EYS: variants seen among roughly 807,000 people sequenced by gnomAD.
EYS encodes EGF-like photoreceptor maintenance factor, also known as protein eyes shut homolog.
In EYS, 250 loss-of-function variants were observed where a neutral mutation model predicts 282.1. The observed-to-expected ratio is 0.89, with a 90% CI of 0.80 to 0.98. The LOEUF is 0.98. EYS is among the 50% of genes least tolerant of loss of function. The probability of loss-of-function intolerance (pLI) is 0.00; values close to 1 mark genes in which losing one functional copy is unlikely to be tolerated. For synonymous variants in EYS, 1,355 were observed against 1,282.9 expected (o/e 1.06, Z -1.20); for missense variants, 4,016 against 3,709.0 (o/e 1.08, Z -2.15).
chr6:65,426,653 AG>A (rs1767676194), intron 5 of EYS, among the ~76,000 whole-genome samples: 1 of 152,144 alleles, frequency 6.6e-6, no homozygotes, highest in Non-Finnish European at 1.5e-5. Context: ...CTAATTAGGA[AG>A]AACAGAGATA....
At chr6:65,240,459 CCT>C (rs1348950176) in intron 12 of EYS, among the ~76,000 whole-genome samples, 1 of 152,020 alleles carries the variant, frequency 6.6e-6, no homozygotes, top group African/African-American at 2.4e-5. Context: ...CTAGTAGCTC[CCT>C]GTCTCTATTG....
At chr6:65,587,173 C>T (rs532574759) in intron 2 of EYS, among the ~76,000 whole-genome samples, 3 of 152,122 alleles carry the variant, frequency 2.0e-5, no homozygotes, top group Admixed American at 6.6e-5. Flanking sequence ...ATCCTTGCTG[C>T]CATGTATAAC....
intron 12 of EYS, among the ~76,000 whole-genome samples, chr6:65,139,981 C>G (rs1298969417): frequency 6.6e-6 from 1 of 151,942 alleles, no homozygotes; most frequent in Non-Finnish European, 1.5e-5. Flanking sequence ...AATACTATAT[C>G]TAAAATGTCC....
At chr6:65,651,794 G>A (rs140814596) in intron 1 of EYS, among the ~76,000 whole-genome samples, 83 of 152,032 alleles carry the variant, frequency 5.5e-4, no homozygotes, top group African/African-American at 1.8e-3. Flanking sequence ...TTCTGCTGTA[G>A]TTGTGTAACC....
chr6:65,332,493 C>T (rs1000022317), intron 11 of EYS: 2 of 1,169,560 alleles, frequency 1.7e-6, no homozygotes, highest in East Asian at 2.6e-5. Context: ...ATTATATTTC[C>T]ATTTATTCAG....
In EYS at chr6:64,868,177, G is replaced by A. The variant is rs1421966368; in HGVS notation, c.2992+18520C>T. On this transcript the variant is annotated intron_variant, in intron 19 of 42. Transcript: ENST00000503581. ...AATCACTTCAAGTCTTCTGATGTTA[G>A]TATTTGTTTGTTTATTTTTAAATAC... Among the ~76,000 whole-genome samples, 3 of 151,242 alleles carry A rather than the reference G, an allele frequency of 2.0e-5. No individual in the cohort carries two copies. The East Asian group carries it at 5.8e-4, about 29-fold the overall frequency.
Position 64,643,050 on chromosome 6 carries a change from G to C in EYS, c.3444-16805C>G, listed in dbSNP as rs553471359. Among the ~76,000 whole-genome samples, 20 of 150,518 alleles carry C rather than the reference G, an allele frequency of 1.3e-4. 1 individual carries two copies. The Admixed American group carries it at 1.3e-3, about 10-fold the overall frequency. ...GAATCACTTGAACCTGGGAGGCAGA[G>C]ATTGTGGTGAGCCGAGATCATGCCA... On this transcript the variant is annotated intron_variant, in intron 22 of 42. Transcript: ENST00000503581.
At chr6:64,711,771 G>T (rs1307285584) in intron 22 of EYS, among the ~76,000 whole-genome samples, 1 of 152,096 alleles carries the variant, frequency 6.6e-6, no homozygotes, top group Non-Finnish European at 1.5e-5. Context: ...TTTCAGACTT[G>T]CGCCCCTCCG....
intron 26 of EYS, among the ~76,000 whole-genome samples, chr6:64,522,399 C>CTGAGACTT (rs1193064830): frequency 6.6e-6 from 1 of 151,638 alleles, no homozygotes; most frequent in East Asian, 1.9e-4. Context: ...AGAACATAAA[C>CTGAGACTT]TGAGACTTAA....
chr6:64,495,334 A>G (rs149876232), intron 26 of EYS, among the ~76,000 whole-genome samples: 8 of 151,952 alleles, frequency 5.3e-5, no homozygotes, highest in Non-Finnish European at 1.2e-4. Flanking sequence ...CACATATCCT[A>G]AAGTCATATC....
rs549802920 is a variant in EYS, at chr6:64,023,098, A to G, written c.6726-23915T>C. 2.2e-4 allele frequency among the ~76,000 whole-genome samples: 33 copies of G among 152,344 alleles called. 2 individuals carry two copies. The South Asian group carries it at 6.8e-3, about 32-fold the overall frequency. On this transcript the variant is annotated intron_variant, in intron 33 of 42. Transcript: ENST00000503581. Reference sequence around the variant, plus strand: ...CATATAGTATATTTCACATAAGTGGAATCATATAATACTTGTCTTTTTGTG... The same window carrying G: ...CATATAGTATATTTCACATAAGTGGGATCATATAATACTTGTCTTTTTGTG...
intron 36 of EYS, among the ~76,000 whole-genome samples, chr6:63,854,556 C>T (rs1375274614): frequency 6.6e-6 from 1 of 152,110 alleles, no homozygotes; most frequent in African/African-American, 2.4e-5. Flanking sequence ...ACCACCATGG[C>T]ACATGTATAC....
chr6:64,752,467 A>G (rs1772789255), intron 22 of EYS, among the ~76,000 whole-genome samples: 1 of 152,148 alleles, frequency 6.6e-6, no homozygotes, highest in South Asian at 2.1e-4. Flanking sequence ...ATAAAGAAGA[A>G]TATTAAAATA....
intron 19 of EYS, among the ~76,000 whole-genome samples, chr6:64,868,335 A>C (rs1292847927): frequency 6.6e-6 from 1 of 151,410 alleles, no homozygotes. Context: ...ATTTTTTCTA[A>C]CTTATTAAAA....
At chr6:64,985,656 G>T (rs999116201) in intron 14 of EYS, among the ~76,000 whole-genome samples, 3 of 151,386 alleles carry the variant, frequency 2.0e-5, no homozygotes, top group Admixed American at 2.0e-4. Flanking sequence ...ATTTAATTAG[G>T]GTTGTTAGAC....
chr6:65,583,565 G>GA lies in EYS; in HGVS notation c.-333+56212dup, dbSNP rs1764940329. ...ACTCCATCTGGTCACTGACAGGAGG[G>GA]AAAAAAAGTTTGAGTTTCCATTTTC... On this transcript the variant is annotated intron_variant, in intron 2 of 42. Coordinates refer to ENST00000503581, the MANE Select transcript of EYS (RefSeq NM_001142800.2). Among the ~76,000 whole-genome samples, 3 of 151,776 alleles carry GA rather than the reference G, an allele frequency of 2.0e-5. No homozygotes were observed. The South Asian group carries it at 6.2e-4, about 31-fold the overall frequency.
At position 63,720,653 on chromosome 6, in the gene EYS, T is replaced by A. The variant is rs2149623454; in HGVS notation, c.9378A>T (p.Leu3126=). ...AAACATTGTATCCTTCTAATTTAATTAGTTCAATGTTTTTTGGTTCCTGAA... is the reference window on the plus strand; with the variant it reads ...AAACATTGTATCCTTCTAATTTAATAAGTTCAATGTTTTTTGGTTCCTGAA... The part of the protein sequence containing the change: ...VFFQEPKNIE[L]IKLEGYNVYD... The change falls in exon 43 of 43, where the codon CTA becomes CTT. Residue 3126 remains leucine, a synonymous_variant. Coordinates refer to ENST00000503581, the MANE Select transcript of EYS (RefSeq NM_001142800.2). 2 of 1,532,416 alleles carry A rather than the reference T, an allele frequency of 1.3e-6. No individual in the cohort carries two copies. Among genetic ancestry groups the A allele is most frequent in the Non-Finnish European group, 1.8e-6 (2 of 1,137,734 alleles). 94.9% of individuals were successfully genotyped at this position (1,532,416 alleles called of 1,614,324 possible). A position where few individuals can be genotyped will look rare whatever the true frequency, so the allele number is the denominator to read the frequency against.
intron 26 of EYS, among the ~76,000 whole-genome samples, chr6:64,565,767 C>T (rs568570256): frequency 1.3e-5 from 2 of 151,826 alleles, no homozygotes; most frequent in Admixed American, 1.3e-4. Flanking sequence ...CATGTTGTTA[C>T]CACAAATATG....
intron 31 of EYS, among the ~76,000 whole-genome samples, chr6:64,196,720 A>G (rs1275027247): frequency 1.4e-5 from 2 of 140,762 alleles, no homozygotes; most frequent in African/African-American, 2.6e-5. Flanking sequence ...CAGGAAGGGG[A>G]ACATCACACT....
Sources: gnomAD v4.1 joint callset for allele counts (sites outside exome capture counted in the v4.1 genomes callset) on GRCh38, gnomAD v4.1.1 for gene constraint, MANE v1.5 for transcripts, NCBI Gene and HGNC (gene_info 2026-07-23, HGNC 2026-07-21) for gene names.